Variants in SPATA22 observed in about 807,000 individuals in gnomAD.
SPATA22 encodes the protein spermatogenesis-associated protein 22.
Under a neutral mutation model 47.8 loss-of-function variants are expected in SPATA22, and 29 were observed. That is an observed-to-expected ratio of 0.61 (90% CI 0.45 to 0.83). The LOEUF (loss-of-function observed/expected upper bound fraction) is 0.83, where lower values mean the gene tolerates loss of function less well. Ranked by LOEUF, SPATA22 falls within the 40% of genes least tolerant of loss-of-function variation. The pLI, the probability that SPATA22 is intolerant of heterozygous loss-of-function variation, is 0.00. For synonymous variants in SPATA22, 133 were observed against 140.9 expected, an observed-to-expected ratio of 0.94 and a Z score of 0.40; for missense variants, 410 against 421.7, an observed-to-expected ratio of 0.97 and a Z score of 0.24.
intron 5 of SPATA22, among the ~76,000 whole-genome samples, chr17:3,459,309 A>C (rs950944173): frequency 2.6e-5 from 4 of 152,226 alleles, no homozygotes; most frequent in African/African-American, 9.6e-5. Context: ...AATTATGTGA[A>C]GAGATGGATA....
chr17:3,496,158 C>T (rs979493100), intron 1 of SPATA22, among the ~76,000 whole-genome samples: 1 of 152,118 alleles, frequency 6.6e-6, no homozygotes, highest in Non-Finnish European at 1.5e-5. Context: ...CAGTATTCTA[C>T]AGGAGGGATT....
intron 1 of SPATA22, chr17:3,481,499 A>G: frequency 9.5e-6 from 10 of 1,051,662 alleles, no homozygotes; most frequent in Non-Finnish European, 1.4e-5. Context: ...GATTTTTCAT[A>G]TTAAAGATTT....
chr17:3,471,072 T>C (rs1294521751), intron 1 of SPATA22, among the ~76,000 whole-genome samples: 1 of 148,390 alleles, frequency 6.7e-6, no homozygotes, highest in Non-Finnish European at 1.5e-5. Context: ...GGAGAATCAC[T>C]TGAACCCGGG....
At chr17:3,465,532 G>C (rs2073282075) in intron 3 of SPATA22, among the ~76,000 whole-genome samples, 1 of 151,730 alleles carries the variant, frequency 6.6e-6, no homozygotes. Context: ...GGGTTAAATG[G>C]ATTAAGGGCA....
At chr17:3,472,671 T>C (rs2073461211), upstream of SPATA22, among the ~76,000 whole-genome samples, 1 of 152,210 alleles carries the variant, frequency 6.6e-6, no homozygotes, top group Non-Finnish European at 1.5e-5. Context: ...CTGTCTGAGT[T>C]CAAAGCCCAT....
At chr17:3,494,679 G>A (rs949230035) in intron 1 of SPATA22, among the ~76,000 whole-genome samples, 1 of 152,082 alleles carries the variant, frequency 6.6e-6, no homozygotes, top group Non-Finnish European at 1.5e-5. Context: ...TGGCCTGCAC[G>A]CTCAATGGAA....
rs574888073 is a variant in SPATA22 at position 3,448,962 on chromosome 17, C to T, written c.517G>A (p.Glu173Lys). 5 of 1,613,928 alleles carry T rather than the reference C, an allele frequency of 3.1e-6. No individual in the cohort carries two copies. Among genetic ancestry groups the T allele is most frequent in the Non-Finnish European group, 4.2e-6 (5 of 1,179,958 alleles). Residue 173 changes from glutamate to lysine, a missense_variant, in exon 6 of 9, where the codon GAG becomes AAG. Coordinates refer to ENST00000572969, the MANE Select transcript of SPATA22 (RefSeq NM_001170698.2). ...PPNLSRNKETELLRQTHSSKI... is the reference protein window; with the variant it reads ...PPNLSRNKETKLLRQTHSSKI... ...GATGAATGTGTTTGTCTGAGTAGCT[C>T]GGTTTCTTTGTTGCGAGATAAGTTA...
rs183988490 is a variant in SPATA22, at chr17:3,493,422, G to A, written c.-74+19990C>T. 7.9e-3 allele frequency among the ~76,000 whole-genome samples: 1,202 copies of A among 152,020 alleles called. 11 individuals are homozygous for A. The highest frequency in any genetic ancestry group is 0.021 in the South Asian group (102 of 4,818). ...CTAAAAATACAAAAATTAGCCGGGC[G>A]TGGTGGTGCATGCCCATAGTCCCAG... On this transcript the variant is annotated intron_variant, in intron 1 of 8. Transcript: ENST00000541913.
chr17:3,441,403 T>C lies in SPATA22; in HGVS notation c.901-1065A>G, dbSNP rs1340649213. On this transcript the variant is annotated intron_variant, in intron 8 of 8. Transcript: ENST00000572969. Reference sequence around the variant, plus strand: ...ACAAAAAAGATATCTAAATAGCATATGAAAAGGTACTCAACCTCATTACTC... The same window carrying C: ...ACAAAAAAGATATCTAAATAGCATACGAAAAGGTACTCAACCTCATTACTC... The C allele has an allele frequency of 2.0e-5, 3 of 151,942 alleles. No homozygotes were observed. In the South Asian group the frequency reaches 6.2e-4, roughly 32 times the overall value. The allele number at this position is 151,942 out of a possible 1,614,324, so 9.4% of individuals were successfully genotyped here. A position where few individuals can be genotyped will look rare whatever the true frequency, so the allele number is the denominator to read the frequency against.
rs773095290 is a variant in SPATA22 at position 3,440,301 on chromosome 17, T to A, written c.938A>T (p.His313Leu). The change falls in exon 9 of 9, where the codon CAT (histidine) becomes CTT (leucine). Residue 313 changes from histidine to leucine, a missense_variant. Coordinates refer to ENST00000572969, the MANE Select transcript of SPATA22 (RefSeq NM_001170698.2). ...ELPRLIRGRVHRCVGNYDQKK... is the reference protein window; with the variant it reads ...ELPRLIRGRVLRCVGNYDQKK... The stretch of plus-strand genomic sequence containing the variant: ...CTGGTCATAGTTGCCAACACATCTA[T>A]GAACTCGGCCTCTAATCAGTCTCGG... The A allele has an allele frequency of 5.6e-6, 9 of 1,601,702 alleles. No individual in the cohort carries two copies. The highest frequency in any genetic ancestry group is 5.6e-5 in the South Asian group (5 of 89,350).
At chr17:3,482,449 G>T (rs749906256) in intron 1 of SPATA22, among the ~76,000 whole-genome samples, 11 of 152,182 alleles carry the variant, frequency 7.2e-5, no homozygotes, top group Non-Finnish European at 1.5e-4. Flanking sequence ...TTATTTCTGT[G>T]TACTAGATAG....
Position 3,511,565 on chromosome 17 carries a change from C to T in SPATA22, c.-74+1847G>A, listed in dbSNP as rs4790503. On this transcript the variant is annotated intron_variant, in intron 1 of 8. Transcript: ENST00000541913. ...CTTGGTAAACCTACCTAGGCTCAGA[C>T]GTTTTGGCTGAAAGCCTTTTGGGGT... 144,169 of 152,286 alleles carry T rather than the reference C, an allele frequency of 0.95. 68,733 individuals are homozygous for T. Among genetic ancestry groups the T allele is most frequent in the East Asian group, 1 (5,174 of 5,174 alleles). The allele number at this position is 152,286 out of a possible 1,614,324, so 9.4% of individuals were successfully genotyped here.
upstream of SPATA22, chr17:3,474,166 A>G (rs1216579932): frequency 6.6e-6 from 1 of 152,230 alleles, no homozygotes; most frequent in African/African-American, 2.4e-5. Flanking sequence ...TCTGTACACA[A>G]AAAACAAGGT....
chr17:3,440,361 CA>C, intron 8 of SPATA22, 23 bp from the exon 9 acceptor site: 2 of 1,486,490 alleles, frequency 1.3e-6, no homozygotes, highest in Non-Finnish European at 1.8e-6. Flanking sequence ...AAATAAGTAT[CA>C]AAAAATAGTT....
upstream of SPATA22, chr17:3,471,862 G>A (rs1597417310): frequency 1.0e-6 from 1 of 985,516 alleles, no homozygotes; most frequent in Non-Finnish European, 1.2e-6. Context: ...CGCAGTGGCC[G>A]CCACCTCGGC....
rs889957724 is a variant in SPATA22, at chr17:3,446,389, T to C, written c.802+83A>G. 13 of 1,388,974 alleles carry C rather than the reference T, an allele frequency of 9.4e-6. No individual in the cohort carries two copies. The Admixed American group carries it at 2.1e-4, about 22-fold the overall frequency. The allele number at this position is 1,388,974 out of a possible 1,614,324, so 86.0% of individuals were successfully genotyped here. A position where few individuals can be genotyped will look rare whatever the true frequency, so the allele number is the denominator to read the frequency against. On this transcript the variant is annotated intron_variant, in intron 7 of 8. Transcript: ENST00000572969. ...GAGTAGCAAAAAGCAGACTGTTTTA[T>C]TTGGAAGAAAAAGGACTAATCAGAC... is the stretch of plus-strand genomic sequence containing the variant.
chr17:3,461,580 A>C (rs762498692), intron 5 of SPATA22, among the ~76,000 whole-genome samples: 1 of 152,210 alleles, frequency 6.6e-6, no homozygotes, highest in Non-Finnish European at 1.5e-5. Flanking sequence ...CCTTGTTATG[A>C]AGAAACTGAC....
intron 6 of SPATA22, among the ~76,000 whole-genome samples, chr17:3,448,412 T>A (rs2072776143): frequency 6.6e-6 from 1 of 152,222 alleles, no homozygotes; most frequent in Admixed American, 6.5e-5. Flanking sequence ...ACAGAGACAG[T>A]ACGGCCCATA....
intron 1 of SPATA22, chr17:3,494,519 G>T (rs2150759215): frequency 1.4e-6 from 2 of 1,390,152 alleles, no homozygotes; most frequent in South Asian, 2.3e-5. Context: ...TTGAATAGAA[G>T]TTTATAGCTC....
Sources: allele counts gnomAD v4.1 joint callset (sites outside exome capture counted in the v4.1 genomes callset), GRCh38; gene constraint gnomAD v4.1.1; transcripts MANE v1.5; gene names NCBI Gene and HGNC (gene_info 2026-07-23, HGNC 2026-07-21).